Variants in IQSEC1 observed in about 807,000 individuals in gnomAD.
IQSEC1 encodes the protein IQ motif and SEC7 domain-containing protein 1.
A neutral mutation model predicts 91.0 loss-of-function variants in IQSEC1; 31 were observed. That is an observed-to-expected ratio of 0.34 (90% CI 0.26 to 0.46). The LOEUF (loss-of-function observed/expected upper bound fraction) is 0.46. Ranked by LOEUF, IQSEC1 falls within the 20% of genes least tolerant of loss-of-function variation. The pLI, the probability that IQSEC1 is intolerant of heterozygous loss-of-function variation, is 1.00. For synonymous variants in IQSEC1, 699 were observed against 662.6 expected (o/e 1.05, Z -0.84); for missense variants, 1,388 against 1,575.6 (o/e 0.88, Z 2.02).
chr3:12,907,931 G>A (rs1378440017), intron 12 of IQSEC1, among the ~76,000 whole-genome samples: 1 of 152,178 alleles, frequency 6.6e-6, no homozygotes, highest in Non-Finnish European at 1.5e-5. Context: ...TGGGCAAGGG[G>A]GCGCCAGACA....
chr3:12,948,596 G>C (rs1472074792), intron 1 of IQSEC1, among the ~76,000 whole-genome samples: 1 of 152,192 alleles, frequency 6.6e-6, no homozygotes, highest in East Asian at 1.9e-4. Context: ...CTCTAATTAT[G>C]GCCTATGAAG....
intron 1 of IQSEC1, among the ~76,000 whole-genome samples, chr3:13,203,646 C>T (rs1422764483): frequency 1.3e-5 from 2 of 152,196 alleles, no homozygotes; most frequent in African/African-American, 4.8e-5. Context: ...CTTGCAGTAC[C>T]CTTAGTCACA....
intron 2 of IQSEC1, among the ~76,000 whole-genome samples, chr3:13,145,234 A>G (rs1008060186): frequency 1.4e-4 from 22 of 152,198 alleles, no homozygotes; most frequent in African/African-American, 5.3e-4. Context: ...ACACAAAGGC[A>G]TCTAAAGTGT....
chr3:13,194,861 C>A (rs774084448), intron 1 of IQSEC1, among the ~76,000 whole-genome samples: 1 of 152,092 alleles, frequency 6.6e-6, no homozygotes, highest in Non-Finnish European at 1.5e-5. Context: ...AGTGGATCAT[C>A]GGCTTAAATG....
intron 1 of IQSEC1, among the ~76,000 whole-genome samples, chr3:13,072,586 G>A (rs550541589): frequency 1.3e-5 from 2 of 152,352 alleles, no homozygotes; most frequent in South Asian, 2.1e-4. Flanking sequence ...GCCTCAGCCT[G>A]CCTGCGACCT....
intron 2 of IQSEC1, among the ~76,000 whole-genome samples, chr3:13,153,381 G>A (rs546663134): frequency 2.0e-5 from 3 of 152,310 alleles, no homozygotes; most frequent in East Asian, 1.9e-4. Flanking sequence ...TGGTCCAGCC[G>A]GCCAGGCCTG....
intron 2 of IQSEC1, among the ~76,000 whole-genome samples, chr3:13,094,726 A>T (rs1705925534): frequency 6.6e-6 from 1 of 152,086 alleles, no homozygotes; most frequent in Non-Finnish European, 1.5e-5. Context: ...CAGGGCTCAA[A>T]CTCAGGCTGA....
chr3:12,920,362 G>A, intron 6 of IQSEC1, 68 bp downstream of exon 6: 1 of 1,535,972 alleles, frequency 6.5e-7, no homozygotes, highest in Non-Finnish European at 9.0e-7. Flanking sequence ...CCTTACATCT[G>A]GGGAGGGCCT....
At chr3:13,129,148 A>C (rs1010127284) in intron 2 of IQSEC1, among the ~76,000 whole-genome samples, 1 of 152,140 alleles carries the variant, frequency 6.6e-6, no homozygotes, top group African/African-American at 2.4e-5. Context: ...CTACAATTTC[A>C]ATTTGTTTGA....
At chr3:13,201,428 T>G (rs1177671636) in intron 1 of IQSEC1, among the ~76,000 whole-genome samples, 2 of 152,206 alleles carry the variant, frequency 1.3e-5, no homozygotes, top group African/African-American at 4.8e-5. Context: ...ACTCCTGGGC[T>G]CCAGTGATCC....
chr3:12,912,008 T>C (rs1484695443), intron 9 of IQSEC1, among the ~76,000 whole-genome samples: 3 of 152,174 alleles, frequency 2.0e-5, no homozygotes, highest in Non-Finnish European at 2.9e-5. Context: ...CACAGCCAGG[T>C]GAGGTGTACA....
In IQSEC1 at chr3:13,161,295, G is replaced by T. The variant is rs67964818; in HGVS notation, c.302+2809C>A. ...CAGTGTGTCAGCCCAGGGGGAGTGC[G>T]GGAGGAGAAGCGGGGGAGGGCCGTG... On this transcript the variant is annotated intron_variant, in intron 2 of 15. Coordinates refer to the IQSEC1 transcript ENST00000648114. 4.9e-3 allele frequency among the ~76,000 whole-genome samples: 742 copies of T among 152,286 alleles called. 6 individuals are homozygous for T. Among genetic ancestry groups the T allele is most frequent in the African/African-American group, 0.017 (689 of 41,566 alleles).
At chr3:13,067,735 C>T (rs1397371587) in intron 1 of IQSEC1, among the ~76,000 whole-genome samples, 2 of 152,240 alleles carry the variant, frequency 1.3e-5, no homozygotes, top group Non-Finnish European at 2.9e-5. Flanking sequence ...CAGGCAGACT[C>T]ACTGGCTGTG....
At chr3:13,087,822 G>C (rs779609327) in intron 2 of IQSEC1, among the ~76,000 whole-genome samples, 4 of 152,178 alleles carry the variant, frequency 2.6e-5, no homozygotes, top group African/African-American at 9.7e-5. Flanking sequence ...GCATCCTCCC[G>C]TGGCAGAAGG....
intron 1 of IQSEC1, among the ~76,000 whole-genome samples, chr3:13,049,659 C>T (rs940898656): frequency 3.9e-5 from 6 of 152,326 alleles, no homozygotes; most frequent in Non-Finnish European, 7.3e-5. Context: ...TGCACCCTCC[C>T]TCAGCGGACT....
At chr3:12,937,682 G>C (rs1108640) in intron 2 of IQSEC1, among the ~76,000 whole-genome samples, 16,998 of 152,274 alleles carry the variant, frequency 0.11, 1,103 homozygotes, top group South Asian at 0.18. Flanking sequence ...GGGAGACAGA[G>C]GCCAAGGGCT....
intron 1 of IQSEC1, among the ~76,000 whole-genome samples, chr3:13,033,027 C>T (rs760444294): frequency 3.3e-5 from 5 of 152,228 alleles, no homozygotes; most frequent in African/African-American, 7.2e-5. Context: ...ACAATACTCA[C>T]GTGGTGTTGC....
chr3:13,020,910 AAAGGAAAGAAAC>A (rs1282762968), intron 1 of IQSEC1, among the ~76,000 whole-genome samples: 2 of 152,304 alleles, frequency 1.3e-5, no homozygotes, highest in African/African-American at 4.8e-5. Context: ...AGGAAGGAAG[AAAGGAAAGAAAC>A]AAGGAAAGAA....
At position 12,980,609 on chromosome 3, in the gene IQSEC1, C is replaced by A. The variant is rs1701403369; in HGVS notation, c.24-38744G>T. 2.0e-5 allele frequency among the ~76,000 whole-genome samples: 3 copies of A among 152,232 alleles called. 1 individual carries two copies. The South Asian group carries it at 6.2e-4, about 31-fold the overall frequency. ...AGCTACATCTTCAGTAATTACTACC[C>A]TGGTTAAGGATAATTCCACATTCAA... On this transcript the variant is annotated intron_variant, in intron 1 of 13. Transcript: ENST00000613206.
Sources: gnomAD v4.1 joint callset for allele counts (sites outside exome capture counted in the v4.1 genomes callset) on GRCh38, gnomAD v4.1.1 for gene constraint, MANE v1.5 for transcripts, NCBI Gene and HGNC (gene_info 2026-07-23, HGNC 2026-07-21) for gene names.